The following PDE10A variants were observed in gnomAD, a reference collection of about 807,000 sequenced individuals.
PDE10A encodes phosphodiesterase 10A, also known as cAMP and cAMP-inhibited cGMP 3',5'-cyclic phosphodiesterase 10A.
PDE10A carries 39 observed loss-of-function variants against 97.7 expected under a neutral mutation model. The ratio of observed to expected loss-of-function variants is 0.40; its 90% CI spans 0.31 to 0.52. PDE10A has a LOEUF of 0.52. Among genes scored for constraint, PDE10A ranks in the 20% least tolerant of loss-of-function variants. PDE10A has a pLI of 0.56. For synonymous variants in PDE10A, 371 were observed against 376.8 expected (o/e 0.98, Z 0.18); for missense variants, 731 against 1,047.8 (o/e 0.70, Z 4.17).
intron 1 of PDE10A, among the ~76,000 whole-genome samples, chr6:165,597,052 C>G (rs978408818): frequency 2.6e-5 from 4 of 152,066 alleles, no homozygotes; most frequent in Non-Finnish European, 4.4e-5. Context: ...CTGCCCTTCA[C>G]TCCTTTTTCT....
chr6:165,882,849 T>G (rs528219219), intron 1 of PDE10A, among the ~76,000 whole-genome samples: 33 of 152,090 alleles, frequency 2.2e-4, no homozygotes, highest in African/African-American at 6.7e-4. Context: ...CTCTAGAATT[T>G]TTTGGTGCTT....
In PDE10A at chr6:165,329,889, A is replaced by G. The variant is rs1781245186; in HGVS notation, c.*3136T>C. 6.6e-6 allele frequency: 1 copy of G among 152,274 alleles called. No individual in the cohort carries two copies. Among genetic ancestry groups the G allele is most frequent in the Admixed American group, 6.5e-5 (1 of 15,300 alleles). 9.4% of individuals were successfully genotyped at this position (152,274 alleles called of 1,614,324 possible). A position where few individuals can be genotyped will look rare whatever the true frequency, so the allele number is the denominator to read the frequency against. ...GATGGGTTTTTCATACACCTCTTAG[A>G]GAGAAGTACAGCTGGGAAATGGACC... is the stretch of plus-strand genomic sequence containing the variant. On this transcript the variant is annotated 3_prime_UTR_variant, in exon 22 of 22. Transcript: ENST00000539869.
At chr6:165,729,593 A>G (rs1792378687) in intron 1 of PDE10A, among the ~76,000 whole-genome samples, 1 of 152,204 alleles carries the variant, frequency 6.6e-6, no homozygotes. Flanking sequence ...CTGGTGGATT[A>G]TTGCATTAAT....
At chr6:165,981,546 G>T (rs1428599619) in intron 1 of PDE10A, among the ~76,000 whole-genome samples, 1 of 152,208 alleles carries the variant, frequency 6.6e-6, no homozygotes, top group Non-Finnish European at 1.5e-5. Flanking sequence ...CCAAAGATGA[G>T]TGAGGACTGA....
chr6:165,580,837 AAAG>A (rs1356208869), intron 1 of PDE10A, among the ~76,000 whole-genome samples: 3 of 151,846 alleles, frequency 2.0e-5, no homozygotes, highest in African/African-American at 7.2e-5. Context: ...ACCCAACGAG[AAAG>A]AAGATGGTAA....
In PDE10A at chr6:165,435,264, T is replaced by G; in HGVS notation, c.1308A>C (p.Lys436Asn). The change falls in exon 6 of 22, where the codon AAA becomes AAC. Residue 436 changes from lysine to asparagine, a missense_variant. Physicochemically the swap from Lys to Asn is moderately conservative, Grantham distance 94. This residue lies in a region of PDE10A where 152 missense variants were observed against 199.3 expected (regional missense o/e 0.76). Coordinates refer to ENST00000539869, the MANE Select transcript of PDE10A (RefSeq NM_001385079.1). ...TVSAYVAKSRKTLLVEDILGD... is the reference protein window; with the variant it reads ...TVSAYVAKSRNTLLVEDILGD... The stretch of plus-strand genomic sequence containing the variant: ...CAAGGATGTCTTCTACTAGCAGTGT[T>G]TTCCTGGACTTGGCCACATAAGCAG... The G allele has an allele frequency of 6.2e-7, 1 of 1,614,052 alleles. No homozygotes were observed. Among genetic ancestry groups the G allele is most frequent in the Non-Finnish European group, 8.5e-7 (1 of 1,179,946 alleles).
chr6:165,973,383 A>C (rs1053617442), intron 1 of PDE10A, among the ~76,000 whole-genome samples: 5 of 151,774 alleles, frequency 3.3e-5, no homozygotes, highest in Non-Finnish European at 5.9e-5. Flanking sequence ...ATTGCACTCC[A>C]GCCTGAGTGA....
chr6:165,654,594 C>T (rs1334951141), intron 1 of PDE10A, among the ~76,000 whole-genome samples: 1 of 151,882 alleles, frequency 6.6e-6, no homozygotes, highest in Non-Finnish European at 1.5e-5. Flanking sequence ...GGTTTGTTTC[C>T]ACCCGACTTC....
At chr6:165,686,437 C>A (rs1287083971) in intron 1 of PDE10A, among the ~76,000 whole-genome samples, 1 of 152,190 alleles carries the variant, frequency 6.6e-6, no homozygotes, top group Non-Finnish European at 1.5e-5. Flanking sequence ...TACTTTCCGC[C>A]TTCAGGTGTA....
chr6:165,943,237 AGG>A lies in PDE10A; in HGVS notation c.-615+44290_-615+44291del, dbSNP rs1359571295. ...AAAGAAAGAAAGAAAGAAAGAAAGA[AGG>A]AAGGAAGGAAGGAAGGAAGGAAGGA... On this transcript the variant is annotated intron_variant, in intron 1 of 19. Transcript: ENST00000366882. 3.3e-3 allele frequency among the ~76,000 whole-genome samples: 188 copies of A among 56,590 alleles called. 5 individuals are homozygous for A. Among genetic ancestry groups the A allele is most frequent in the African/African-American group, 0.013 (144 of 11,466 alleles). The allele number at this position is 56,590 out of a possible 152,430, so 37.1% of individuals were successfully genotyped here. A position where few individuals can be genotyped will look rare whatever the true frequency, so the allele number is the denominator to read the frequency against.
intron 1 of PDE10A, among the ~76,000 whole-genome samples, chr6:165,707,449 G>A (rs1322310085): frequency 6.6e-6 from 1 of 152,232 alleles, no homozygotes; most frequent in African/African-American, 2.4e-5. Context: ...ACCTCAAGGT[G>A]TTGAGAAACC....
intron 1 of PDE10A, among the ~76,000 whole-genome samples, chr6:165,802,733 T>C (rs1000210511): frequency 2.6e-5 from 4 of 152,214 alleles, no homozygotes; most frequent in African/African-American, 9.6e-5. Context: ...TACCTCTGTC[T>C]CCTTACTTTC....
intron 1 of PDE10A, among the ~76,000 whole-genome samples, chr6:165,830,480 T>G (rs917818690): frequency 1.3e-5 from 2 of 152,176 alleles, no homozygotes; most frequent in Non-Finnish European, 1.5e-5. Context: ...TATGAGGATC[T>G]CGGTGGGGAT....
chr6:165,334,391 GCGCC>G (rs1562356888), intron 21 of PDE10A, among the ~76,000 whole-genome samples: 4 of 148,042 alleles, frequency 2.7e-5, no homozygotes, highest in South Asian at 2.1e-4. Context: ...CGCCGGGCAC[GCGCC>G]TCCATAGCGC....
At chr6:165,762,975 A>G (rs996357309) in intron 1 of PDE10A, among the ~76,000 whole-genome samples, 1 of 152,222 alleles carries the variant, frequency 6.6e-6, no homozygotes, top group Non-Finnish European at 1.5e-5. Flanking sequence ...ACAACTTTCA[A>G]AAGCCCTGGA....
intron 1 of PDE10A, among the ~76,000 whole-genome samples, chr6:165,906,898 G>C (rs1222465216): frequency 6.6e-6 from 1 of 152,186 alleles, no homozygotes; most frequent in African/African-American, 2.4e-5. Context: ...TCGGAGTCCA[G>C]GTAAGTAAAT....
intron 17 of PDE10A, among the ~76,000 whole-genome samples, chr6:165,384,588 G>T (rs568631835): frequency 1.0e-3 from 153 of 148,750 alleles, no homozygotes; most frequent in African/African-American, 3.5e-3. Context: ...CCCACTTCCT[G>T]CTTTTCCCTA....
intron 1 of PDE10A, among the ~76,000 whole-genome samples, chr6:165,635,744 G>A (rs1004403247): frequency 3.9e-5 from 6 of 152,124 alleles, no homozygotes; most frequent in Non-Finnish European, 8.8e-5. Flanking sequence ...TAAACACAGC[G>A]TGAACTTTGG....
intron 17 of PDE10A, among the ~76,000 whole-genome samples, chr6:165,382,466 T>TTA (rs1173645186): frequency 2.6e-5 from 4 of 152,296 alleles, no homozygotes; most frequent in Admixed American, 1.3e-4. Context: ...TTAGGGAGCA[T>TTA]TATAGTACTG....
Sources: allele counts gnomAD v4.1 joint callset (sites outside exome capture counted in the v4.1 genomes callset), GRCh38; gene constraint gnomAD v4.1.1; regional missense constraint gnomAD v4.1.1; transcripts MANE v1.5; gene names NCBI Gene and HGNC (gene_info 2026-07-23, HGNC 2026-07-21).